The following FBLIM1 variants were observed in gnomAD, a reference collection of about 807,000 sequenced individuals.
FBLIM1 encodes the protein filamin-binding LIM protein 1.
FBLIM1 carries 29 observed loss-of-function variants against 37.4 expected under a neutral mutation model. That is an observed-to-expected ratio of 0.77 (90% CI 0.58 to 1.06). The LOEUF (loss-of-function observed/expected upper bound fraction) is 1.06, where lower values mean the gene tolerates loss of function less well. Ranked by LOEUF, FBLIM1 falls within the 50% of genes least tolerant of loss-of-function variation. FBLIM1 has a pLI of 0.00. For synonymous variants in FBLIM1, 193 were observed against 199.0 expected, an observed-to-expected ratio of 0.97 and a Z score of 0.25; for missense variants, 449 against 505.6, an observed-to-expected ratio of 0.89 and a Z score of 1.07.
chr1:15,782,787 C>G (rs2069675412), intron 8 of FBLIM1, among the ~76,000 whole-genome samples: 1 of 149,978 alleles, frequency 6.7e-6, no homozygotes, highest in Non-Finnish European at 1.5e-5. Flanking sequence ...ACCTGTGACC[C>G]CAAAGTAGTC....
Sources: gnomAD v4.1 joint callset for allele counts (sites outside exome capture counted in the v4.1 genomes callset) on GRCh38, gnomAD v4.1.1 for gene constraint, MANE v1.5 for transcripts, NCBI Gene and HGNC (gene_info 2026-07-23, HGNC 2026-07-21) for gene names.